The following GLOD5 variants were observed in gnomAD, a reference collection of about 807,000 sequenced individuals.
The protein encoded by GLOD5 is glyoxalase domain containing 5.
GLOD5 carries 7 observed loss-of-function variants against 9.9 expected under a neutral mutation model. The observed-to-expected ratio is 0.71, with a 90% CI of 0.40 to 1.33. GLOD5 has a LOEUF of 1.33. Among genes scored for constraint, GLOD5 ranks in the 40% most tolerant of loss-of-function variants. GLOD5 has a pLI of 0.01. For missense variants in GLOD5, 146 were observed against 128.4 expected, an observed-to-expected ratio of 1.14 and a Z score of -0.66; for synonymous variants, 49 against 47.3, an observed-to-expected ratio of 1.04 and a Z score of -0.14.
At chrX:48,772,835 A>T (rs1464974852) in intron 3 of GLOD5, among the ~76,000 whole-genome samples, 1 of 110,789 alleles carries the variant, frequency 9.0e-6, no homozygotes, top group African/African-American at 3.3e-5. Flanking sequence ...GCCCAAGGCC[A>T]TCTAGCTGAT....
Position 48,765,903 on chromosome X carries a change from G to A in GLOD5, c.132G>A (p.Thr44=), listed in dbSNP as rs782559282. ...LIRRLDHIVM[T]VKSIKDTTMF... ...GTAGACTTGACCACATCGTGATGAC[G>A]GTGAAGAGCATCAAAGACACCACCA... Residue 44 remains threonine, a synonymous_variant, in exon 2 of 4, where the codon ACG becomes ACA. Transcript: ENST00000303227. 6.7e-6 allele frequency: 8 copies of A among 1,200,541 alleles called. No individual in the cohort carries two copies. The highest frequency in any genetic ancestry group is 3.5e-5 in the African/African-American group (2 of 56,877).
At chrX:48,763,405 T>G (rs2147292883) in intron 1 of GLOD5, among the ~76,000 whole-genome samples, 1 of 111,624 alleles carries the variant, frequency 9.0e-6, no homozygotes, top group South Asian at 3.7e-4. Flanking sequence ...AAGGGCTGGG[T>G]GCAGTGGCTC....
At chrX:48,762,013 C>T (rs1205298907) in intron 1 of GLOD5, among the ~76,000 whole-genome samples, 160 bp downstream of exon 1, 1 of 110,991 alleles carries the variant, frequency 9.0e-6, no homozygotes, top group East Asian at 2.8e-4. Context: ...TGGAAAGGCC[C>T]GGCTCTAAGC....
intron 3 of GLOD5, among the ~76,000 whole-genome samples, chrX:48,772,232 G>A (rs1557017488): frequency 6.3e-5 from 7 of 110,361 alleles, no homozygotes; most frequent in Non-Finnish European, 1.3e-4. Flanking sequence ...GCAAGACCCT[G>A]TCTCTAAAAA....
At chrX:48,768,993 G>C (rs1194893903) in intron 2 of GLOD5, among the ~76,000 whole-genome samples, 4 of 105,228 alleles carry the variant, frequency 3.8e-5, no homozygotes, top group Middle Eastern at 4.5e-3. Context: ...TCTCGCCACT[G>C]CACTCCAGCC....
At chrX:48,764,841 A>G (rs1484440944) in intron 1 of GLOD5, among the ~76,000 whole-genome samples, 1 of 111,568 alleles carries the variant, frequency 9.0e-6, no homozygotes, top group Non-Finnish European at 1.9e-5. Context: ...ACTAGAATCT[A>G]TTCTTTTAAG....
At chrX:48,768,134 T>A (rs2062613820) in intron 2 of GLOD5, among the ~76,000 whole-genome samples, 1 of 111,846 alleles carries the variant, frequency 8.9e-6, no homozygotes, top group Non-Finnish European at 1.9e-5. Context: ...CCTGGCCAAT[T>A]TTTTCTATTT....
intron 2 of GLOD5, among the ~76,000 whole-genome samples, chrX:48,768,121 A>G (rs2062613757): frequency 8.9e-6 from 1 of 111,800 alleles, no homozygotes. Flanking sequence ...ACGTGCCACC[A>G]CACCTGGCCA....
At chrX:48,766,179 C>T (rs782683333) in intron 2 of GLOD5, 10 of 386,503 alleles carry the variant, frequency 2.6e-5, no homozygotes, top group African/African-American at 1.5e-4. Flanking sequence ...AGAAACAATG[C>T]AAGATAACTT....
chrX:48,761,751 G>C lies in GLOD5; in HGVS notation c.-40G>C. 1 of 1,121,381 alleles carries C rather than the reference G, an allele frequency of 8.9e-7. No homozygotes were observed. Among genetic ancestry groups the C allele is most frequent in the Non-Finnish European group, 1.2e-6 (1 of 832,598 alleles). 92.4% of individuals were successfully genotyped at this position (1,121,381 alleles called of 1,213,427 possible). A position where few individuals can be genotyped will look rare whatever the true frequency, so the allele number is the denominator to read the frequency against. ...TTGATCTCCAGGCGCTGAGCCAGAG[G>C]ATTGTCGGGAGGACCCTGGGCAAAG... On this transcript the variant is annotated 5_prime_UTR_variant, in exon 1 of 4. Transcript: ENST00000303227.
At chrX:48,763,822 C>A (rs1219532371) in intron 1 of GLOD5, among the ~76,000 whole-genome samples, 5 of 112,393 alleles carry the variant, frequency 4.4e-5, no homozygotes. Context: ...TTGTATCCAC[C>A]GGGAGAGCAA....
intron 2 of GLOD5, among the ~76,000 whole-genome samples, chrX:48,766,979 C>T (rs1373395725): frequency 1.2e-3 from 1 of 852 alleles, no homozygotes; most frequent in African/African-American, 2.8e-3. Context: ...GAGCAAGATT[C>T]CATCTCAAAA....
At chrX:48,770,300 T>C (rs375378494) in intron 2 of GLOD5, among the ~76,000 whole-genome samples, 13 of 111,067 alleles carry the variant, frequency 1.2e-4, no homozygotes, top group African/African-American at 2.9e-4. Flanking sequence ...AATAAATAAA[T>C]AAACAAACAA....
At position 48,761,785 on chromosome X, in the gene GLOD5, C is replaced by T. The variant is rs1557016031; in HGVS notation, c.-6C>T. 3 of 1,164,890 alleles carry T rather than the reference C, an allele frequency of 2.6e-6. No individual in the cohort carries two copies. Among genetic ancestry groups the T allele is most frequent in the East Asian group, 3.3e-5 (1 of 30,729 alleles). The stretch of plus-strand genomic sequence containing the variant: ...GAGGACCCTGGGCAAAGACGCCTAC[C>T]CTGCCATGCTGCGCCATCTGCCCTC... On this transcript the variant is annotated 5_prime_UTR_variant, in exon 1 of 4. Transcript: ENST00000303227.
intron 1 of GLOD5, among the ~76,000 whole-genome samples, chrX:48,763,375 A>G (rs2062601081): frequency 8.9e-6 from 1 of 111,988 alleles, no homozygotes; most frequent in South Asian, 3.7e-4. Flanking sequence ...GACAGATTCT[A>G]CAGATGTTAG....
In GLOD5 at chrX:48,773,478, C is replaced by T. The variant is rs782787238; in HGVS notation, c.*43C>T. Reference sequence around the variant, plus strand: ...CCATTCTGTCCCCCTTGATGTCGCCCTCTCCTTTCCTTCCTGCAAACCCCC... The same window carrying T: ...CCATTCTGTCCCCCTTGATGTCGCCTTCTCCTTTCCTTCCTGCAAACCCCC... On this transcript the variant is annotated 3_prime_UTR_variant, in exon 4 of 4. Transcript: ENST00000303227. 2.5e-6 allele frequency: 3 copies of T among 1,183,754 alleles called. No individual in the cohort carries two copies. Among genetic ancestry groups the T allele is most frequent in the South Asian group, 3.6e-5 (2 of 55,232 alleles).
intron 2 of GLOD5, among the ~76,000 whole-genome samples, chrX:48,767,454 C>T (rs1196341345): frequency 2.7e-5 from 3 of 111,443 alleles, no homozygotes; most frequent in African/African-American, 9.8e-5. Context: ...TGGTGAAACC[C>T]CGTCTCTACT....
At chrX:48,771,159 C>T in intron 3 of GLOD5, 77 bp downstream of exon 3, 3 of 754,158 alleles carry the variant, frequency 4.0e-6, no homozygotes, top group Non-Finnish European at 3.7e-6. Flanking sequence ...AGAGAGGTAA[C>T]AAGTTTTACC....
Position 48,773,393 on chromosome X carries a change from C to T in GLOD5, c.441C>T (p.Pro147=), listed in dbSNP as rs376994822. 207 of 1,207,526 alleles carry T rather than the reference C, an allele frequency of 1.7e-4. 1 individual carries two copies. The highest frequency in any genetic ancestry group is 1.3e-3 in the South Asian group (71 of 56,674). The change falls in exon 4 of 4, where the codon CCC becomes CCT. Residue 147 remains proline, a synonymous_variant. Transcript: ENST00000303227. ...GPIMSIYFRD[P]DRNLIEVSNY... ...TCATGTCCATCTACTTCCGAGACCC[C>T]GACAGAAATCTGATTGAGGTGTCCA...
Sources: gnomAD v4.1 joint callset for allele counts (sites outside exome capture counted in the v4.1 genomes callset) on GRCh38, gnomAD v4.1.1 for gene constraint, MANE v1.5 for transcripts, NCBI Gene and HGNC (gene_info 2026-07-23, HGNC 2026-07-21) for gene names.